The following CSPP1 variants were observed in gnomAD, a reference collection of about 807,000 sequenced individuals.
The protein encoded by CSPP1 is centrosome and spindle pole associated protein 1.
In CSPP1, 126 loss-of-function variants were observed where a neutral mutation model predicts 164.4. The observed-to-expected ratio is 0.77, with a 90% CI of 0.66 to 0.89. The LOEUF (loss-of-function observed/expected upper bound fraction) is 0.89, where lower values mean the gene tolerates loss of function less well. Among genes scored for constraint, CSPP1 ranks in the 40% least tolerant of loss-of-function variants. CSPP1 has a pLI of 0.00. For missense variants in CSPP1, 1,395 were observed against 1,449.8 expected, an observed-to-expected ratio of 0.96 and a Z score of 0.61; for synonymous variants, 472 against 476.7, an observed-to-expected ratio of 0.99 and a Z score of 0.13.
At chr8:67,189,779 G>T (rs1835703780) in intron 28 of CSPP1, among the ~76,000 whole-genome samples, 1 of 152,108 alleles carries the variant, frequency 6.6e-6, no homozygotes, top group Non-Finnish European at 1.5e-5. Flanking sequence ...AATATATATA[G>T]AAATTGGCAA....
intron 13 of CSPP1, among the ~76,000 whole-genome samples, chr8:67,117,966 G>C (rs1284256232): frequency 6.6e-6 from 1 of 152,098 alleles, no homozygotes; most frequent in Non-Finnish European, 1.5e-5. Context: ...GACCATGTTT[G>C]TCTTTATTTG....
chr8:67,102,709 AAT>A lies in CSPP1; in HGVS notation c.924-326_924-325del, dbSNP rs1164483707. 2.6e-5 allele frequency among the ~76,000 whole-genome samples: 4 copies of A among 152,244 alleles called. No homozygotes were observed. The East Asian group carries it at 7.7e-4, about 29-fold the overall frequency. The stretch of plus-strand genomic sequence containing the variant: ...TTTGTGAGTGCAGGGACTGTGTCCG[AAT>A]ACCCAGTAGGTGTTCAGTTATTCAC... On this transcript the variant is annotated intron_variant, in intron 7 of 30. Coordinates refer to ENST00000678616, the MANE Select transcript of CSPP1 (RefSeq NM_001382391.1).
At chr8:67,134,912 G>A (rs1316301581) in intron 16 of CSPP1, 1 of 152,134 alleles carries the variant, frequency 6.6e-6, no homozygotes, top group Non-Finnish European at 1.5e-5. Context: ...TGGTATATTA[G>A]CATTGGCTTC....
intron 19 of CSPP1, among the ~76,000 whole-genome samples, chr8:67,157,165 G>A (rs1253969753): frequency 6.6e-6 from 1 of 152,146 alleles, no homozygotes. Flanking sequence ...TGGACTTGAA[G>A]AAGTGATTGC....
At chr8:67,107,759 T>A (rs1250667523) in intron 9 of CSPP1, among the ~76,000 whole-genome samples, 1 of 152,156 alleles carries the variant, frequency 6.6e-6, no homozygotes, top group Non-Finnish European at 1.5e-5. Flanking sequence ...TTGCTTTATT[T>A]AAAAAGTGAG....
At chr8:67,089,382 G>C (rs539461892) in intron 4 of CSPP1, among the ~76,000 whole-genome samples, 1 of 152,088 alleles carries the variant, frequency 6.6e-6, no homozygotes, top group East Asian at 1.9e-4. Context: ...CTGAACTTCA[G>C]AGTTTTCTAG....
At chr8:67,133,446 T>C (rs1821640783) in intron 16 of CSPP1, 1 of 152,258 alleles carries the variant, frequency 6.6e-6, no homozygotes, top group Admixed American at 6.5e-5. Context: ...TGCAGAGTTA[T>C]CTTTACACTA....
chr8:67,194,080 G>A (rs1837189183), intron 30 of CSPP1, among the ~76,000 whole-genome samples: 1 of 152,142 alleles, frequency 6.6e-6, no homozygotes, highest in Non-Finnish European at 1.5e-5. Context: ...CTCATTATGA[G>A]TGCATTTTTG....
chr8:67,075,978 C>T (rs915975544), intron 2 of CSPP1, among the ~76,000 whole-genome samples: 2 of 152,070 alleles, frequency 1.3e-5, no homozygotes, highest in African/African-American at 4.8e-5. Context: ...GTTATAATTT[C>T]TAACATTAAT....
At chr8:67,076,634 C>A in intron 3 of CSPP1, 53 bp downstream of exon 3, 1 of 980,180 alleles carries the variant, frequency 1.0e-6, no homozygotes, top group Non-Finnish European at 1.5e-6. Context: ...GTGGGCTCTT[C>A]TGAAAGAGGT....
Position 67,154,097 on chromosome 8 carries a change from TA to T in CSPP1, c.2205del (p.Lys735AsnfsTer28), listed in dbSNP as rs1826221738. On this transcript the variant is annotated frameshift_variant, in exon 19 of 31. Transcript: ENST00000678616. LOFTEE classifies it high-confidence loss of function. ...GTGAGCCTCCAACTGAACTTCAGAT[TA>T]AACAGCAAGAATTATACAAGAATTT... ...FGEPPTELQI[K>X]QQELYKNFLR... 1.3e-6 allele frequency: 2 copies of T among 1,594,576 alleles called. No individual in the cohort carries two copies. Among genetic ancestry groups the T allele is most frequent in the Non-Finnish European group, 1.7e-6 (2 of 1,162,982 alleles).
intron 28 of CSPP1, among the ~76,000 whole-genome samples, chr8:67,188,663 G>A (rs1376855847): frequency 2.0e-5 from 3 of 152,152 alleles, no homozygotes; most frequent in Non-Finnish European, 2.9e-5. Context: ...CTGTCCACCA[G>A]TGCTGTTTGC....
intron 3 of CSPP1, among the ~76,000 whole-genome samples, chr8:67,082,183 G>C (rs1283853859): frequency 1.3e-5 from 2 of 152,194 alleles, no homozygotes; most frequent in African/African-American, 4.8e-5. Flanking sequence ...GAGTAGCTGA[G>C]ATTACAGGTG....
Position 67,093,528 on chromosome 8 carries a change from G to C in CSPP1, c.385-15G>C. ...AAGTTGAATTTTAACATTGCCTTTT[G>C]ATTTTTATTTTAAGGAAAGGTTGAA... is the stretch of plus-strand genomic sequence containing the variant. On this transcript the variant is annotated splice_polypyrimidine_tract_variant and intron_variant, in intron 5 of 30. Transcript: ENST00000678616. 6.5e-7 allele frequency: 1 copy of C among 1,538,814 alleles called. No individual in the cohort carries two copies. The highest frequency in any genetic ancestry group is 2.3e-5 in the East Asian group (1 of 44,372).
chr8:67,070,725 AT>A (rs1170386921), intron 1 of CSPP1, among the ~76,000 whole-genome samples: 18 of 118,054 alleles, frequency 1.5e-4, no homozygotes, highest in African/African-American at 8.3e-4. Context: ...ATATGTAAAT[AT>A]ATATATATAT....
rs16933173 is a variant in CSPP1, at chr8:67,132,329, C to G, written c.1827+249C>G. ...TGCATGTTGTGCAATGACTACGTTA[C>G]AAGTTGCTGGTGTATACAGAGAATG... On this transcript the variant is annotated intron_variant, in intron 16 of 30. Coordinates refer to ENST00000678616, the MANE Select transcript of CSPP1 (RefSeq NM_001382391.1). 0.13 allele frequency among the ~76,000 whole-genome samples: 19,383 copies of G among 152,094 alleles called. 2,452 individuals are homozygous for G. Among genetic ancestry groups the G allele is most frequent in the African/African-American group, 0.33 (13,510 of 41,444 alleles).
intron 17 of CSPP1, among the ~76,000 whole-genome samples, chr8:67,147,570 T>C (rs1204830745): frequency 1.3e-5 from 2 of 152,064 alleles, no homozygotes; most frequent in East Asian, 1.9e-4. Context: ...CACCACCCCA[T>C]GCCACATTGT....
At chr8:67,177,630 G>C in intron 26 of CSPP1, 50 bp from the exon 27 acceptor site, 1 of 1,212,326 alleles carries the variant, frequency 8.2e-7, no homozygotes. Context: ...AATTTATATA[G>C]TAAGCATTTT....
intron 3 of CSPP1, among the ~76,000 whole-genome samples, chr8:67,078,272 G>A (rs950101513): frequency 4.6e-5 from 7 of 152,044 alleles, no homozygotes; most frequent in African/African-American, 1.4e-4. Context: ...CGTTATGGGC[G>A]AAAGTTAAAT....
Sources: allele counts gnomAD v4.1 joint callset (sites outside exome capture counted in the v4.1 genomes callset), GRCh38; gene constraint gnomAD v4.1.1; transcripts MANE v1.5; gene names NCBI Gene and HGNC (gene_info 2026-07-23, HGNC 2026-07-21).